RAD51B: variants seen among roughly 807,000 people sequenced by gnomAD.
RAD51B encodes the protein DNA repair protein RAD51 homolog 2.
In RAD51B, 38 loss-of-function variants were observed where a neutral mutation model predicts 42.2. The ratio of observed to expected loss-of-function variants is 0.90; its 90% CI spans 0.70 to 1.18. RAD51B has a LOEUF of 1.18. Among genes scored for constraint, RAD51B ranks in the 50% most tolerant of loss-of-function variants. RAD51B has a pLI of 0.00. For synonymous variants in RAD51B, 154 were observed against 145.2 expected (o/e 1.06, Z -0.43); for missense variants, 373 against 400.7 (o/e 0.93, Z 0.59).
downstream of RAD51B, among the ~76,000 whole-genome samples, chr14:68,598,026 G>A (rs1213676162): frequency 6.6e-6 from 1 of 151,738 alleles, no homozygotes; most frequent in South Asian, 2.1e-4. Context: ...AAAAATAGAC[G>A]GCCGTCCTAG....
chr14:67,827,754 C>A (rs2040882346), intron 3 of RAD51B, among the ~76,000 whole-genome samples: 1 of 152,190 alleles, frequency 6.6e-6, no homozygotes, highest in Admixed American at 6.5e-5. Context: ...GTTTTCTGTT[C>A]TTGCATTAGT....
At chr14:68,036,301 G>A (rs186741740) in intron 7 of RAD51B, among the ~76,000 whole-genome samples, 2 of 152,324 alleles carry the variant, frequency 1.3e-5, no homozygotes, top group East Asian at 1.9e-4. Context: ...ATAAACTCCT[G>A]AGGCAGAAAC....
intron 7 of RAD51B, among the ~76,000 whole-genome samples, chr14:68,190,559 C>T (rs536506707): frequency 1.4e-4 from 21 of 152,248 alleles, no homozygotes; most frequent in Non-Finnish European, 2.9e-5. Context: ...AGTTGCCCTT[C>T]TTCCATTAAT....
chr14:68,150,108 C>T (rs1283986071), intron 7 of RAD51B, among the ~76,000 whole-genome samples: 3 of 152,134 alleles, frequency 2.0e-5, no homozygotes, highest in Admixed American at 2.0e-4. Flanking sequence ...CCACGCCCAG[C>T]TAATTTTGTA....
intron 9 of RAD51B, among the ~76,000 whole-genome samples, chr14:68,433,951 GT>G (rs1476017224): frequency 6.6e-6 from 1 of 152,222 alleles, no homozygotes; most frequent in Admixed American, 6.5e-5. Context: ...CTGTTTGTTA[GT>G]TTTCCTTCTA....
chr14:68,311,894 A>AAAAT (rs545987926), intron 8 of RAD51B, among the ~76,000 whole-genome samples: 187 of 152,322 alleles, frequency 1.2e-3, no homozygotes, highest in Non-Finnish European at 2.1e-3. Flanking sequence ...CTCCCTCTCA[A>AAAAT]AAATAAATAA....
At chr14:68,477,032 A>C (rs1282260096) in intron 10 of RAD51B, among the ~76,000 whole-genome samples, 1 of 152,188 alleles carries the variant, frequency 6.6e-6, no homozygotes, top group Non-Finnish European at 1.5e-5. Flanking sequence ...AGTGTCCTGA[A>C]GGAGCCCTTC....
intron 8 of RAD51B, among the ~76,000 whole-genome samples, chr14:68,390,982 G>GA (rs1206543936): frequency 6.6e-6 from 1 of 152,208 alleles, no homozygotes; most frequent in Non-Finnish European, 1.5e-5. Context: ...CCCAACTTGG[G>GA]ATTGCAATGG....
At chr14:67,898,274 T>C (rs2043490363) in intron 7 of RAD51B, among the ~76,000 whole-genome samples, 1 of 152,178 alleles carries the variant, frequency 6.6e-6, no homozygotes, top group Non-Finnish European at 1.5e-5. Context: ...CTACTATCTG[T>C]GACAACATGG....
intron 4 of RAD51B, among the ~76,000 whole-genome samples, chr14:67,835,422 G>A (rs1019773877): frequency 6.6e-6 from 1 of 151,978 alleles, no homozygotes; most frequent in Non-Finnish European, 1.5e-5. Flanking sequence ...TTAGGTTGCT[G>A]TTTCATTGAG....
chr14:68,670,281 G>C (rs550246541), intron 11 of RAD51B, among the ~76,000 whole-genome samples: 1 of 152,212 alleles, frequency 6.6e-6, no homozygotes, highest in Non-Finnish European at 1.5e-5. Context: ...GGGCTCCGGG[G>C]CTTGGTGGAA....
intron 7 of RAD51B, among the ~76,000 whole-genome samples, chr14:67,989,005 G>A (rs1846490404): frequency 6.6e-6 from 1 of 152,218 alleles, no homozygotes; most frequent in South Asian, 2.1e-4. Flanking sequence ...GTCAGGCAAA[G>A]TATGATTCCT....
At chr14:68,374,714 G>T (rs2083331082) in intron 8 of RAD51B, among the ~76,000 whole-genome samples, 1 of 149,694 alleles carries the variant, frequency 6.7e-6, no homozygotes, top group African/African-American at 2.5e-5. Flanking sequence ...AGCACAGATG[G>T]TCTCAGAAGT....
intron 7 of RAD51B, among the ~76,000 whole-genome samples, chr14:67,943,963 C>T (rs952103232): frequency 1.3e-5 from 2 of 151,852 alleles, no homozygotes; most frequent in African/African-American, 4.8e-5. Flanking sequence ...TATAAAGTGA[C>T]GGATTCTGAA....
At chr14:68,346,960 C>A (rs186029282) in intron 8 of RAD51B, among the ~76,000 whole-genome samples, 3 of 152,180 alleles carry the variant, frequency 2.0e-5, no homozygotes, top group African/African-American at 7.2e-5. Flanking sequence ...CCTCTACCCC[C>A]CAAGGCTGGC....
chr14:68,450,144 G>T (rs1260596550), intron 9 of RAD51B, among the ~76,000 whole-genome samples: 1 of 151,762 alleles, frequency 6.6e-6, no homozygotes, highest in East Asian at 1.9e-4. Flanking sequence ...CTGGTAGGCG[G>T]ATAGGAGCAG....
At chr14:67,928,956 C>G (rs1409418780) in intron 7 of RAD51B, among the ~76,000 whole-genome samples, 2 of 152,108 alleles carry the variant, frequency 1.3e-5, no homozygotes, top group Non-Finnish European at 2.9e-5. Flanking sequence ...TGCAATGTCT[C>G]CTTTTTCATT....
chr14:67,999,070 T>A (rs561064314), intron 7 of RAD51B, among the ~76,000 whole-genome samples: 89 of 152,068 alleles, frequency 5.9e-4, no homozygotes, highest in African/African-American at 2.1e-3. Context: ...TTCCTTGTGG[T>A]GCATTCCAGA....
chr14:68,549,641 C>T (rs1888429208), intron 10 of RAD51B, among the ~76,000 whole-genome samples: 2 of 151,032 alleles, frequency 1.3e-5, no homozygotes, highest in South Asian at 4.2e-4. Context: ...GTCTCGATCT[C>T]CTGACCTCGT....
Sources: allele counts gnomAD v4.1 joint callset (sites outside exome capture counted in the v4.1 genomes callset), GRCh38; gene constraint gnomAD v4.1.1; transcripts MANE v1.5; gene names NCBI Gene and HGNC (gene_info 2026-07-23, HGNC 2026-07-21).